TAFA2: variants seen among roughly 807,000 people sequenced by gnomAD.
TAFA2 encodes the protein TAFA chemokine like family member 2, also known as chemokine-like protein TAFA-2.
A neutral mutation model predicts 18.8 loss-of-function variants in TAFA2; 7 were observed. That is an observed-to-expected ratio of 0.37 (90% CI 0.21 to 0.70). The LOEUF (loss-of-function observed/expected upper bound fraction) is 0.70. Ranked by LOEUF, TAFA2 falls within the 30% of genes least tolerant of loss-of-function variation. The pLI, the probability that TAFA2 is intolerant of heterozygous loss-of-function variation, is 0.53. For missense variants in TAFA2, 122 were observed against 158.1 expected (o/e 0.77, Z 1.23); for synonymous variants, 60 against 54.2 (o/e 1.11, Z -0.47).
chr12:61,867,814 C>G (rs960538217), intron 1 of TAFA2, among the ~76,000 whole-genome samples: 1 of 152,094 alleles, frequency 6.6e-6, no homozygotes, highest in Non-Finnish European at 1.5e-5. Flanking sequence ...CTAACAATTG[C>G]CAAGTCAAAT....
intron 1 of TAFA2, among the ~76,000 whole-genome samples, chr12:62,102,775 G>A (rs949087155): frequency 2.0e-5 from 3 of 152,076 alleles, no homozygotes; most frequent in Admixed American, 6.5e-5. Context: ...GATGTATTAC[G>A]GTAGAGGAAA....
At chr12:61,740,407 A>G (rs1202990060) in intron 4 of TAFA2, among the ~76,000 whole-genome samples, 2 of 151,890 alleles carry the variant, frequency 1.3e-5, no homozygotes, top group East Asian at 3.9e-4. Flanking sequence ...GGGTGCAGCA[A>G]ACCACCGTGG....
At chr12:61,776,995 G>C (rs1870290897) in intron 2 of TAFA2, among the ~76,000 whole-genome samples, 1 of 151,834 alleles carries the variant, frequency 6.6e-6, no homozygotes, top group South Asian at 2.1e-4. Context: ...GTTAGTAAGT[G>C]GATACTGAGC....
chr12:61,895,945 C>G (rs1875822311), intron 1 of TAFA2, among the ~76,000 whole-genome samples: 3 of 151,684 alleles, frequency 2.0e-5, no homozygotes. Flanking sequence ...AAGTTAGCAC[C>G]CCCAAAAACA....
chr12:62,030,632 G>C (rs967266370), intron 1 of TAFA2, among the ~76,000 whole-genome samples: 1 of 152,284 alleles, frequency 6.6e-6, no homozygotes, highest in South Asian at 2.1e-4. Context: ...ACCTTAGGGA[G>C]AGCCAGTTGT....
intron 1 of TAFA2, among the ~76,000 whole-genome samples, chr12:62,178,756 G>A (rs181242471): frequency 5.3e-4 from 81 of 152,308 alleles, no homozygotes; most frequent in African/African-American, 1.9e-3. Flanking sequence ...TTGCCTCGAA[G>A]GGAGATTATT....
intron 1 of TAFA2, among the ~76,000 whole-genome samples, chr12:62,067,964 G>C (rs1310043081): frequency 6.7e-6 from 1 of 149,140 alleles, no homozygotes; most frequent in Non-Finnish European, 1.5e-5. Flanking sequence ...AATAATTTTT[G>C]TTTTTACTTT....
intron 1 of TAFA2, among the ~76,000 whole-genome samples, chr12:61,964,421 A>G (rs1878999878): frequency 6.6e-6 from 1 of 151,718 alleles, no homozygotes; most frequent in African/African-American, 2.4e-5. Flanking sequence ...TTCCTCTGTG[A>G]GAAATCTCCC....
At position 61,941,477 on chromosome 12, in the gene TAFA2, A is replaced by G. The variant is rs564932563; in HGVS notation, c.-1-74051T>C. ...AAGATGGCCGAATAGGAACAGCTCC[A>G]GTCTACAGCTCCCAGCTTGAGCGAA... On this transcript the variant is annotated intron_variant, in intron 1 of 4. Coordinates refer to ENST00000416284, the MANE Select transcript of TAFA2 (RefSeq NM_178539.5). Among the ~76,000 whole-genome samples, 462 of 152,352 alleles carry G rather than the reference A, an allele frequency of 3.0e-3. 4 individuals are homozygous for G. Among genetic ancestry groups the G allele is most frequent in the African/African-American group, 9.1e-3 (377 of 41,576 alleles).
intron 1 of TAFA2, among the ~76,000 whole-genome samples, chr12:62,133,083 C>A (rs921415713): frequency 5.9e-5 from 9 of 151,966 alleles, no homozygotes; most frequent in African/African-American, 1.7e-4. Context: ...CCTTGACCCT[C>A]ATCCACTATA....
chr12:61,910,280 A>T (rs1423952273), intron 1 of TAFA2, among the ~76,000 whole-genome samples: 1 of 152,138 alleles, frequency 6.6e-6, no homozygotes, highest in Non-Finnish European at 1.5e-5. Context: ...TTATGCACTG[A>T]TCGTACAATT....
At chr12:62,082,957 A>G (rs11174303) in intron 1 of TAFA2, among the ~76,000 whole-genome samples, 26,443 of 152,018 alleles carry the variant, frequency 0.17, 2,505 homozygotes, top group Middle Eastern at 0.21. Flanking sequence ...CTTTGAGAGT[A>G]GGTGCTATTA....
intron 1 of TAFA2, among the ~76,000 whole-genome samples, chr12:62,180,680 A>G (rs541017289): frequency 2.7e-4 from 41 of 152,298 alleles, no homozygotes; most frequent in African/African-American, 9.9e-4. Flanking sequence ...AAATGAAATC[A>G]ATAAATATCT....
At chr12:62,082,766 A>G (rs1868343458) in intron 1 of TAFA2, among the ~76,000 whole-genome samples, 1 of 152,240 alleles carries the variant, frequency 6.6e-6, no homozygotes, top group Admixed American at 6.5e-5. Flanking sequence ...AACTCATCAC[A>G]GTGGAACATT....
chr12:62,244,390 C>T (rs900232292), intron 1 of TAFA2, among the ~76,000 whole-genome samples: 3 of 151,764 alleles, frequency 2.0e-5, no homozygotes, highest in African/African-American at 7.3e-5. Context: ...AAGGCTTTTC[C>T]CATGTTATCA....
chr12:62,161,811 C>T (rs955204550), intron 1 of TAFA2, among the ~76,000 whole-genome samples: 4 of 152,066 alleles, frequency 2.6e-5, no homozygotes, highest in Non-Finnish European at 5.9e-5. Context: ...TCTTAAATGT[C>T]TATATACCAC....
intron 1 of TAFA2, among the ~76,000 whole-genome samples, chr12:62,166,303 T>C (rs2062439460): frequency 6.6e-6 from 1 of 152,192 alleles, no homozygotes; most frequent in South Asian, 2.1e-4. Context: ...TGGCAGTTTA[T>C]ACACTGCTGG....
intron 4 of TAFA2, among the ~76,000 whole-genome samples, chr12:61,711,573 C>G (rs1270450094): frequency 1.3e-5 from 2 of 151,968 alleles, no homozygotes; most frequent in Non-Finnish European, 2.9e-5. Context: ...GTTTTCTGAT[C>G]AATTATGTAA....
At chr12:61,908,832 C>G (rs1271844909) in intron 1 of TAFA2, among the ~76,000 whole-genome samples, 1 of 152,110 alleles carries the variant, frequency 6.6e-6, no homozygotes, top group African/African-American at 2.4e-5. Context: ...ATATAATATG[C>G]CATGGTCTTT....
Sources: gnomAD v4.1 joint callset for allele counts (sites outside exome capture counted in the v4.1 genomes callset) on GRCh38, gnomAD v4.1.1 for gene constraint, MANE v1.5 for transcripts, NCBI Gene and HGNC (gene_info 2026-07-23, HGNC 2026-07-21) for gene names.